PLCB1: variants seen among roughly 807,000 people sequenced by gnomAD.
PLCB1 encodes 1-phosphatidylinositol 4,5-bisphosphate phosphodiesterase beta-1.
Under a neutral mutation model 161.8 loss-of-function variants are expected in PLCB1, and 46 were observed. That is an observed-to-expected ratio of 0.28 (90% CI 0.22 to 0.36). The LOEUF is 0.36. PLCB1 is among the 10% of genes least tolerant of loss of function. The pLI is 1.00. For missense variants in PLCB1, 1,016 were observed against 1,472.5 expected (o/e 0.69, Z 5.07); for synonymous variants, 517 against 503.7 (o/e 1.03, Z -0.35).
intron 3 of PLCB1, among the ~76,000 whole-genome samples, chr20:8,526,657 G>A (rs1984596680): frequency 6.6e-6 from 1 of 151,984 alleles, no homozygotes; most frequent in African/African-American, 2.4e-5. Flanking sequence ...AATCCATGCT[G>A]TTTTTCAGTC....
intron 31 of PLCB1, among the ~76,000 whole-genome samples, chr20:8,825,562 A>G (rs1488931007): frequency 6.6e-6 from 1 of 152,240 alleles, no homozygotes; most frequent in Non-Finnish European, 1.5e-5. Context: ...ACCACAGAGC[A>G]TCAGGAAAAG....
At chr20:8,515,938 A>G (rs1042721539) in intron 3 of PLCB1, among the ~76,000 whole-genome samples, 4 of 152,212 alleles carry the variant, frequency 2.6e-5, no homozygotes, top group African/African-American at 7.2e-5. Flanking sequence ...AATGGATTCT[A>G]CATGGCTGGG....
chr20:8,651,889 C>A, intron 7 of PLCB1: 1 of 182,120 alleles, frequency 5.5e-6, no homozygotes, highest in Non-Finnish European at 1.1e-5. Context: ...CGCATTCAAG[C>A]ATAAAGAGAA....
At chr20:8,769,616 T>G (rs1418173071) in intron 26 of PLCB1, among the ~76,000 whole-genome samples, 3 of 152,190 alleles carry the variant, frequency 2.0e-5, no homozygotes, top group African/African-American at 7.2e-5. Context: ...ACTGAAAACT[T>G]TTTTGGAATC....
At chr20:8,649,347 C>T in intron 6 of PLCB1, 27 bp from the exon 7 acceptor site, 2 of 1,570,916 alleles carry the variant, frequency 1.3e-6, no homozygotes, top group Admixed American at 1.7e-5. Context: ...ATTTAAACCT[C>T]TCTCCTTTGT....
At chr20:8,243,504 A>G (rs940499301) in intron 2 of PLCB1, among the ~76,000 whole-genome samples, 7 of 151,956 alleles carry the variant, frequency 4.6e-5, no homozygotes, top group Non-Finnish European at 1.0e-4. Context: ...TTAGGCGTCT[A>G]TAACTCCGGC....
intron 3 of PLCB1, among the ~76,000 whole-genome samples, chr20:8,537,776 G>A (rs1985112360): frequency 6.6e-6 from 1 of 152,152 alleles, no homozygotes; most frequent in Non-Finnish European, 1.5e-5. Flanking sequence ...TATCAGAATA[G>A]AGCAGTGACA....
chr20:8,828,900 G>A (rs1397839740), intron 31 of PLCB1, among the ~76,000 whole-genome samples: 1 of 152,184 alleles, frequency 6.6e-6, no homozygotes, highest in Non-Finnish European at 1.5e-5. Flanking sequence ...GTTCTAGAAA[G>A]AGAATCATGC....
At chr20:8,715,789 C>A in intron 12 of PLCB1, 1 of 153,544 alleles carries the variant, frequency 6.5e-6, no homozygotes, top group Non-Finnish European at 1.5e-5. Context: ...TTTCCCTATT[C>A]AGCTCCCTCC....
At chr20:8,406,838 A>C (rs1220542466) in intron 3 of PLCB1, among the ~76,000 whole-genome samples, 1 of 152,172 alleles carries the variant, frequency 6.6e-6, no homozygotes, top group African/African-American at 2.4e-5. Flanking sequence ...GGCTTTTTAA[A>C]ATCCGTTTAT....
At chr20:8,246,224 C>A (rs1980871212) in intron 2 of PLCB1, among the ~76,000 whole-genome samples, 1 of 151,924 alleles carries the variant, frequency 6.6e-6, no homozygotes. Flanking sequence ...CATATTTAGG[C>A]TCTGATTATG....
chr20:8,485,342 A>AT (rs1415746864), intron 3 of PLCB1, among the ~76,000 whole-genome samples: 5 of 152,168 alleles, frequency 3.3e-5, no homozygotes, highest in Non-Finnish European at 5.9e-5. Context: ...TAAGTTATCT[A>AT]TTTTTTTCCA....
chr20:8,850,505 A>G (rs2146301168), intron 31 of PLCB1, among the ~76,000 whole-genome samples: 1 of 152,344 alleles, frequency 6.6e-6, no homozygotes, highest in Admixed American at 6.5e-5. Context: ...AAATAGGAAT[A>G]AAGTTGCTAT....
intron 15 of PLCB1, among the ~76,000 whole-genome samples, 180 bp from the exon 16 acceptor site, chr20:8,724,476 C>T (rs1979826781): frequency 6.6e-6 from 1 of 152,004 alleles, no homozygotes; most frequent in African/African-American, 2.4e-5. Context: ...TTCCTCCCTC[C>T]CTTTTATAAA....
At chr20:8,437,945 A>G (rs1600400071) in intron 3 of PLCB1, among the ~76,000 whole-genome samples, 4 of 152,172 alleles carry the variant, frequency 2.6e-5, no homozygotes, top group Admixed American at 2.6e-4. Context: ...ATATGTCCAA[A>G]CAGACTATGC....
In PLCB1 at chr20:8,884,510, T is replaced by C. The variant is rs1568637147; in HGVS notation, c.*2661T>C. ...ATGACATAGCCATGTGTTTTTGGTT[T>C]TTTATATTTCATTTTAAAATTTGAG... On this transcript the variant is annotated 3_prime_UTR_variant, in exon 32 of 32. Transcript: ENST00000338037. 2.6e-5 allele frequency: 4 copies of C among 152,662 alleles called. No homozygotes were observed. 9.5% of individuals were successfully genotyped at this position (152,662 alleles called of 1,614,324 possible).
intron 4 of PLCB1, among the ~76,000 whole-genome samples, chr20:8,643,458 T>A (rs1989019046): frequency 6.6e-6 from 1 of 152,128 alleles, no homozygotes; most frequent in Non-Finnish European, 1.5e-5. Context: ...CTGCTCGGGA[T>A]TCCCTCTTTT....
intron 2 of PLCB1, among the ~76,000 whole-genome samples, chr20:8,236,101 AC>A (rs1194644429): frequency 6.6e-6 from 1 of 152,184 alleles, no homozygotes; most frequent in African/African-American, 2.4e-5. Flanking sequence ...TTTTGAAGAA[AC>A]TACTAAAAAA....
At position 8,373,571 on chromosome 20, in the gene PLCB1, G is replaced by A. The variant is rs571277921; in HGVS notation, c.246+2121G>A. 2.6e-5 allele frequency among the ~76,000 whole-genome samples: 4 copies of A among 152,266 alleles called. No homozygotes were observed. The South Asian group carries it at 8.3e-4, about 32-fold the overall frequency. On this transcript the variant is annotated intron_variant, in intron 3 of 31. Coordinates refer to ENST00000338037, the MANE Select transcript of PLCB1 (RefSeq NM_015192.4). Reference sequence around the variant, plus strand: ...TACCATAAGAATCAAATTGATACAGGTGTGGTGTGGGCATGATGGATTTGA... The same window carrying A: ...TACCATAAGAATCAAATTGATACAGATGTGGTGTGGGCATGATGGATTTGA...
Sources: allele counts gnomAD v4.1 joint callset (sites outside exome capture counted in the v4.1 genomes callset), GRCh38; gene constraint gnomAD v4.1.1; transcripts MANE v1.5; gene names NCBI Gene and HGNC (gene_info 2026-07-23, HGNC 2026-07-21).